Variants in EYS observed in about 807,000 individuals in gnomAD.
EYS encodes the protein EGF-like photoreceptor maintenance factor.
In EYS, 250 loss-of-function variants were observed where a neutral mutation model predicts 282.1. The ratio of observed to expected loss-of-function variants is 0.89; its 90% CI spans 0.80 to 0.98. The LOEUF is 0.98. Ranked by LOEUF, EYS falls within the 50% of genes least tolerant of loss-of-function variation. The pLI is 0.00. For synonymous variants in EYS, 1,355 were observed against 1,282.9 expected (o/e 1.06, Z -1.20); for missense variants, 4,016 against 3,709.0 (o/e 1.08, Z -2.15).
rs573474222 is a variant in EYS, at chr6:65,216,355, T to C, written c.2023+79508A>G. Among the ~76,000 whole-genome samples the C allele has an allele frequency of 2.6e-5, 4 of 152,166 alleles. No individual in the cohort carries two copies. The South Asian group carries it at 8.3e-4, about 31-fold the overall frequency. ...TGAATACCCATACATATATAAGTTA[T>C]TTATAGTGTGAATATATGCATTGTA... On this transcript the variant is annotated intron_variant, in intron 12 of 42. Coordinates refer to ENST00000503581, the MANE Select transcript of EYS (RefSeq NM_001142800.2).
At chr6:64,352,190 A>G (rs878858143) in intron 29 of EYS, among the ~76,000 whole-genome samples, 1 of 151,534 alleles carries the variant, frequency 6.6e-6, no homozygotes, top group Admixed American at 6.6e-5. Context: ...CACTAAAATA[A>G]ATACAGAATT....
chr6:64,027,152 A>T (rs1010689899), intron 33 of EYS, among the ~76,000 whole-genome samples: 1 of 152,186 alleles, frequency 6.6e-6, no homozygotes, highest in Non-Finnish European at 1.5e-5. Context: ...CCCAGTATGG[A>T]TCCCCACTGG....
At chr6:65,566,506 C>T (rs1769285780) in intron 2 of EYS, among the ~76,000 whole-genome samples, 1 of 152,150 alleles carries the variant, frequency 6.6e-6, no homozygotes, top group African/African-American at 2.4e-5. Flanking sequence ...TTTTTCTTTG[C>T]ATCAGTAAAC....
intron 35 of EYS, among the ~76,000 whole-genome samples, chr6:63,927,131 G>A (rs1330417921): frequency 6.6e-6 from 1 of 152,218 alleles, no homozygotes; most frequent in Non-Finnish European, 1.5e-5. Context: ...GCTGTGTGAT[G>A]TTGGGAAATT....
chr6:64,438,520 C>T (rs1396450020), intron 27 of EYS, among the ~76,000 whole-genome samples: 2 of 151,542 alleles, frequency 1.3e-5, no homozygotes, highest in Non-Finnish European at 3.0e-5. Flanking sequence ...CTAAAAATAT[C>T]TTGGGATTCC....
chr6:64,300,666 G>C (rs1769202233), intron 30 of EYS, among the ~76,000 whole-genome samples: 1 of 152,124 alleles, frequency 6.6e-6, no homozygotes, highest in South Asian at 2.1e-4. Flanking sequence ...GGTAAATGAA[G>C]GTTTTGCATG....
chr6:65,357,841 C>T (rs1449274462), intron 8 of EYS, among the ~76,000 whole-genome samples: 1 of 151,172 alleles, frequency 6.6e-6, no homozygotes, highest in African/African-American at 2.4e-5. Context: ...TAATGTAATG[C>T]TCATTGCTTG....
In EYS at chr6:65,511,646, G is replaced by T. The variant is rs183718253; in HGVS notation, c.-332-15653C>A. On this transcript the variant is annotated intron_variant, in intron 2 of 42. Coordinates refer to ENST00000503581, the MANE Select transcript of EYS (RefSeq NM_001142800.2). ...TTCCAATTTATGGATTAGCAAAATT[G>T]ATGTCAAAAAGATCCAATAACTCAG... is the stretch of plus-strand genomic sequence containing the variant. Among the ~76,000 whole-genome samples the T allele has an allele frequency of 8.3e-4, 126 of 152,084 alleles. 1 individual carries two copies. The highest frequency in any genetic ancestry group is 2.7e-3 in the African/African-American group (111 of 41,494).
At chr6:64,762,630 A>C (rs939441626) in intron 22 of EYS, among the ~76,000 whole-genome samples, 1 of 152,068 alleles carries the variant, frequency 6.6e-6, no homozygotes, top group Non-Finnish European at 1.5e-5. Flanking sequence ...TGGTTCCAAA[A>C]CTATTTATGA....
At chr6:65,077,815 T>A (rs1028551905) in intron 12 of EYS, among the ~76,000 whole-genome samples, 5 of 152,118 alleles carry the variant, frequency 3.3e-5, no homozygotes, top group Non-Finnish European at 7.4e-5. Context: ...AAGTTAAAAA[T>A]GTGTCAACAT....
chr6:63,777,148 C>T (rs541827350), intron 40 of EYS, among the ~76,000 whole-genome samples: 1 of 152,236 alleles, frequency 6.6e-6, no homozygotes, highest in African/African-American at 2.4e-5. Context: ...TTTACTGTGA[C>T]TAGCAGTTGT....
At chr6:65,629,173 T>A (rs1766823819) in intron 2 of EYS, among the ~76,000 whole-genome samples, 1 of 152,174 alleles carries the variant, frequency 6.6e-6, no homozygotes, top group African/African-American at 2.4e-5. Context: ...AAGCCTGTTC[T>A]ACAGATTCCT....
chr6:65,208,948 A>C (rs2150250736), intron 12 of EYS, among the ~76,000 whole-genome samples: 1 of 152,008 alleles, frequency 6.6e-6, no homozygotes. Context: ...ATAATATTGT[A>C]AGATATATTA....
intron 22 of EYS, among the ~76,000 whole-genome samples, chr6:64,697,777 A>G (rs1770634726): frequency 6.6e-6 from 1 of 151,942 alleles, no homozygotes; most frequent in South Asian, 2.1e-4. Context: ...CCCCATCTCT[A>G]CTAAAAATAT....
At chr6:64,095,076 C>T (rs1772540241) in intron 31 of EYS, among the ~76,000 whole-genome samples, 1 of 152,200 alleles carries the variant, frequency 6.6e-6, no homozygotes, top group Admixed American at 6.5e-5. Context: ...GAGTGAGTTT[C>T]TTAATCCTGA....
intron 12 of EYS, among the ~76,000 whole-genome samples, chr6:65,155,304 G>A (rs1296065090): frequency 6.6e-6 from 1 of 151,456 alleles, no homozygotes; most frequent in East Asian, 1.9e-4. Flanking sequence ...AATGGAATTA[G>A]ATGAAAAGAA....
intron 41 of EYS, among the ~76,000 whole-genome samples, chr6:63,752,413 C>A (rs2149649083): frequency 6.6e-6 from 1 of 151,568 alleles, no homozygotes; most frequent in South Asian, 2.1e-4. Context: ...TATTGTGTGT[C>A]AGTATAAGAA....
At chr6:65,291,787 T>G (rs1160281865) in intron 12 of EYS, among the ~76,000 whole-genome samples, 1 of 151,538 alleles carries the variant, frequency 6.6e-6, no homozygotes, top group Non-Finnish European at 1.5e-5. Flanking sequence ...AAGAACTAAA[T>G]TCTCAGTACA....
chr6:64,379,876 C>T (rs561564392), intron 29 of EYS, among the ~76,000 whole-genome samples: 5 of 152,054 alleles, frequency 3.3e-5, no homozygotes, highest in African/African-American at 7.2e-5. Context: ...AAAAAAATAA[C>T]GTAGTCCAAC....
Sources: allele counts gnomAD v4.1 joint callset (sites outside exome capture counted in the v4.1 genomes callset), GRCh38; gene constraint gnomAD v4.1.1; transcripts MANE v1.5; gene names NCBI Gene and HGNC (gene_info 2026-07-23, HGNC 2026-07-21).